The following RANBP17 variants were observed in gnomAD, a reference collection of about 807,000 sequenced individuals.
RANBP17 encodes the protein RAN binding protein 17.
Under a neutral mutation model 141.2 loss-of-function variants are expected in RANBP17, and 158 were observed. The observed-to-expected ratio is 1.12, with a 90% confidence interval of 0.98 to 1.28. The LOEUF (loss-of-function observed/expected upper bound fraction) is 1.28. RANBP17 is among the 50% of genes most tolerant of loss of function. The pLI, the probability that RANBP17 is intolerant of heterozygous loss-of-function variation, is 0.00. For missense variants in RANBP17, 1,438 were observed against 1,290.7 expected, an observed-to-expected ratio of 1.11 and a Z score of -1.75; for synonymous variants, 430 against 450.0, an observed-to-expected ratio of 0.96 and a Z score of 0.56.
At chr5:171,064,030 T>G (rs1476725925) in intron 14 of RANBP17, among the ~76,000 whole-genome samples, 1 of 152,248 alleles carries the variant, frequency 6.6e-6, no homozygotes, top group Non-Finnish European at 1.5e-5. Flanking sequence ...GCAGTATTAG[T>G]GTGGGAGTGA....
intron 14 of RANBP17, among the ~76,000 whole-genome samples, chr5:170,979,329 GAAAT>G (rs1777603807): frequency 6.6e-6 from 1 of 152,108 alleles, no homozygotes; most frequent in Admixed American, 6.5e-5. Context: ...ATTTGCAAAA[GAAAT>G]AATTATAAGA....
intron 14 of RANBP17, among the ~76,000 whole-genome samples, chr5:171,110,510 T>C (rs550307450): frequency 4.6e-5 from 7 of 152,268 alleles, no homozygotes; most frequent in African/African-American, 1.4e-4. Context: ...ATGAGCTTTA[T>C]AGGGGAGGCA....
At chr5:171,045,117 CTAATTA>C (rs1181043370) in intron 14 of RANBP17, among the ~76,000 whole-genome samples, 20 of 152,168 alleles carry the variant, frequency 1.3e-4, no homozygotes, top group African/African-American at 4.8e-4. Flanking sequence ...CTCTGCCAAA[CTAATTA>C]TAATGTATAA....
intron 14 of RANBP17, among the ~76,000 whole-genome samples, chr5:170,999,224 A>G (rs1204416978): frequency 2.6e-5 from 4 of 152,124 alleles, no homozygotes; most frequent in Non-Finnish European, 4.4e-5. Context: ...GTATATTTCT[A>G]TAATTGTAAA....
chr5:170,897,750 T>A (rs1475430222), intron 5 of RANBP17, among the ~76,000 whole-genome samples: 2 of 152,208 alleles, frequency 1.3e-5, no homozygotes, highest in African/African-American at 4.8e-5. Flanking sequence ...CGTCCTTTTT[T>A]ATGGCTGCAT....
At chr5:171,064,730 A>G (rs1784189367) in intron 14 of RANBP17, among the ~76,000 whole-genome samples, 1 of 151,856 alleles carries the variant, frequency 6.6e-6, no homozygotes, top group Non-Finnish European at 1.5e-5. Context: ...CATGTTGCGT[A>G]GGCTGGTGTC....
chr5:170,947,225 A>G (rs1774839117), intron 12 of RANBP17, among the ~76,000 whole-genome samples: 1 of 152,136 alleles, frequency 6.6e-6, no homozygotes, highest in African/African-American at 2.4e-5. Context: ...TAAATTGGTA[A>G]TGTTAACCTT....
At chr5:171,003,622 T>G (rs1185172597) in intron 14 of RANBP17, among the ~76,000 whole-genome samples, 2 of 152,158 alleles carry the variant, frequency 1.3e-5, no homozygotes, top group Non-Finnish European at 2.9e-5. Flanking sequence ...GAGGGTGTCC[T>G]GTTGAGAAGA....
chr5:171,236,362 G>A (rs1045935755), intron 22 of RANBP17, among the ~76,000 whole-genome samples: 2 of 152,126 alleles, frequency 1.3e-5, no homozygotes, highest in East Asian at 1.9e-4. Flanking sequence ...AAGATACTAC[G>A]GTGGTATATC....
intron 14 of RANBP17, among the ~76,000 whole-genome samples, chr5:171,064,107 G>A (rs1784125319): frequency 6.6e-6 from 1 of 152,216 alleles, no homozygotes; most frequent in South Asian, 2.1e-4. Context: ...CTGACCCCTT[G>A]CACTTCTGGA....
chr5:171,252,175 A>G, intron 24 of RANBP17: 1 of 1,582,630 alleles, frequency 6.3e-7, no homozygotes, highest in Non-Finnish European at 8.7e-7. Context: ...AACTACATGC[A>G]ACAAGATCCC....
At chr5:170,980,706 TC>T (rs1375979826) in intron 14 of RANBP17, among the ~76,000 whole-genome samples, 5 of 152,316 alleles carry the variant, frequency 3.3e-5, no homozygotes, top group African/African-American at 1.2e-4. Context: ...TGCTTGGATG[TC>T]CAGGCAGAAG....
Position 171,040,067 on chromosome 5 carries a change from CA to C in RANBP17, c.1710+71698del, listed in dbSNP as rs577589000. ...GTACCAAAATCTGGCAAGGACACGA[CA>C]AAAAAAACTACAGGCCAGTATCTCT... On this transcript the variant is annotated intron_variant, in intron 14 of 27. Coordinates refer to ENST00000523189, the MANE Select transcript of RANBP17 (RefSeq NM_022897.5). Among the ~76,000 whole-genome samples the C allele has an allele frequency of 4.4e-4, 66 of 151,372 alleles. 1 individual carries two copies. The South Asian group carries it at 0.013, about 29-fold the overall frequency.
intron 14 of RANBP17, among the ~76,000 whole-genome samples, chr5:171,100,514 GTCTA>G (rs779319752): frequency 2.6e-5 from 4 of 152,130 alleles, no homozygotes; most frequent in East Asian, 3.8e-4. Context: ...CTGGCTAGCA[GTCTA>G]TCTATTTTGT....
chr5:170,911,451 TC>T, intron 7 of RANBP17: 1 of 659,338 alleles, frequency 1.5e-6, no homozygotes. Flanking sequence ...TGGGACAGGA[TC>T]CCACTCTGTT....
chr5:171,288,912 T>A (rs1392546759), intron 25 of RANBP17, among the ~76,000 whole-genome samples: 1 of 152,194 alleles, frequency 6.6e-6, no homozygotes, highest in Non-Finnish European at 1.5e-5. Context: ...GTTCTCAGGC[T>A]GTACACACAA....
At chr5:171,161,095 A>G (rs1242366241) in intron 14 of RANBP17, among the ~76,000 whole-genome samples, 1 of 152,180 alleles carries the variant, frequency 6.6e-6, no homozygotes, top group African/African-American at 2.4e-5. Context: ...CCCGGCTGAG[A>G]TTCTTAAAAA....
At chr5:171,223,559 CG>C (rs1763701535) in intron 22 of RANBP17, among the ~76,000 whole-genome samples, 1 of 152,084 alleles carries the variant, frequency 6.6e-6, no homozygotes, top group Admixed American at 6.6e-5. Context: ...CGTTTGAACC[CG>C]GGAGGCAGAG....
intron 16 of RANBP17, among the ~76,000 whole-genome samples, chr5:171,181,437 C>T (rs530100805): frequency 4.0e-5 from 6 of 149,628 alleles, no homozygotes; most frequent in South Asian, 2.1e-4. Flanking sequence ...GGCGACAGAG[C>T]GAAGAGTCTG....
Sources: gnomAD v4.1 joint callset for allele counts (sites outside exome capture counted in the v4.1 genomes callset) on GRCh38, gnomAD v4.1.1 for gene constraint, MANE v1.5 for transcripts, NCBI Gene and HGNC (gene_info 2026-07-23, HGNC 2026-07-21) for gene names.